Variants in GPBP1L1 observed in about 807,000 individuals in gnomAD.
GPBP1L1 encodes vasculin-like protein 1.
A neutral mutation model predicts 52.5 loss-of-function variants in GPBP1L1; 23 were observed. That is an observed-to-expected ratio of 0.44 (90% confidence interval 0.32 to 0.62). The LOEUF (loss-of-function observed/expected upper bound fraction) is 0.62, where lower values mean the gene tolerates loss of function less well. Ranked by LOEUF, GPBP1L1 falls within the 20% of genes least tolerant of loss-of-function variation. The probability of loss-of-function intolerance (pLI) is 0.06; values close to 1 mark genes in which losing one functional copy is unlikely to be tolerated. For synonymous variants in GPBP1L1, 243 were observed against 203.1 expected (o/e 1.20, Z -1.67); for missense variants, 596 against 579.3 (o/e 1.03, Z -0.30).
At chr1:45,679,070 G>C (rs1645181342) in intron 2 of GPBP1L1, among the ~76,000 whole-genome samples, 1 of 151,232 alleles carries the variant, frequency 6.6e-6, no homozygotes, top group African/African-American at 2.4e-5. Flanking sequence ...ATAATAAAAA[G>C]AAAGAATGAC....
chr1:45,669,626 C>G (rs527275891), intron 2 of GPBP1L1, among the ~76,000 whole-genome samples: 682 of 31,984 alleles, frequency 0.021, 4 homozygotes, highest in African/African-American at 0.1. Context: ...GACCCCCCCT[C>G]CAACCCCCTG....
In GPBP1L1 at chr1:45,627,980, C is replaced by T. The variant is rs2148409892; in HGVS notation, c.*276G>A. ...CCTGCACTGCCAGCTCCTACCTGTG[C>T]ATCGCCCCATATATACTGGGTGTGT... On this transcript the variant is annotated 3_prime_UTR_variant, in exon 13 of 13. Coordinates refer to ENST00000355105, the MANE Select transcript of GPBP1L1 (RefSeq NM_021639.5). 3.2e-6 allele frequency: 1 copy of T among 307,968 alleles called. No individual in the cohort carries two copies. Among genetic ancestry groups the T allele is most frequent in the East Asian group, 6.6e-5 (1 of 15,088 alleles). 19.1% of individuals were successfully genotyped at this position (307,968 alleles called of 1,614,324 possible). A position where few individuals can be genotyped will look rare whatever the true frequency, so the allele number is the denominator to read the frequency against.
intron 2 of GPBP1L1, among the ~76,000 whole-genome samples, chr1:45,672,954 A>G (rs1212711861): frequency 6.6e-6 from 1 of 152,248 alleles, no homozygotes; most frequent in Non-Finnish European, 1.5e-5. Flanking sequence ...GACTAAAAGT[A>G]TAGACAACTC....
intron 8 of GPBP1L1, among the ~76,000 whole-genome samples, chr1:45,639,970 A>C (rs1240569177): frequency 1.3e-5 from 2 of 152,032 alleles, no homozygotes; most frequent in Non-Finnish European, 2.9e-5. Context: ...TGGGAGGCTG[A>C]GGTCACACTG....
intron 5 of GPBP1L1, 131 bp downstream of exon 5, chr1:45,655,059 C>A: frequency 1.7e-6 from 2 of 1,189,444 alleles, no homozygotes; most frequent in Non-Finnish European, 2.4e-6. Context: ...TGCGTAATGA[C>A]TACTAGAGAA....
rs544401014 is a variant in GPBP1L1 at position 45,646,250 on chromosome 1, T to C, written c.478-3751A>G. 279 of 227,360 alleles carry C rather than the reference T, an allele frequency of 1.2e-3. 4 individuals carry two copies. Among genetic ancestry groups the C allele is most frequent in the South Asian group, 4.7e-3 (91 of 19,328 alleles). 14.1% of individuals were successfully genotyped at this position (227,360 alleles called of 1,614,324 possible). ...GAGCAATATTCCAAGTACTTACACA[T>C]TGATGTTTGTCTGTGATCTTTATAA... On this transcript the variant is annotated intron_variant, in intron 6 of 12. Coordinates refer to ENST00000355105, the MANE Select transcript of GPBP1L1 (RefSeq NM_021639.5).
intron 2 of GPBP1L1, among the ~76,000 whole-genome samples, chr1:45,671,834 T>A (rs924884277): frequency 6.0e-5 from 9 of 150,698 alleles, no homozygotes; most frequent in Non-Finnish European, 1.0e-4. Flanking sequence ...CTAATAATAA[T>A]AAATAAATAA....
rs761926736 is a variant in GPBP1L1, at chr1:45,683,151, T to G, written c.-1098+2425A>C. ...CTTTCATGTTTAAAGGCAGTGACCA[T>G]AACAGTCAAGTTAAACACAACAACT... On this transcript the variant is annotated intron_variant, in intron 2 of 12. Transcript: ENST00000355105. Among the ~76,000 whole-genome samples, 30 of 145,712 alleles carry G rather than the reference T, an allele frequency of 2.1e-4. No homozygotes were observed. In the South Asian group the frequency reaches 2.9e-3, roughly 14 times the overall value.
intron 6 of GPBP1L1, among the ~76,000 whole-genome samples, chr1:45,650,119 G>A (rs906490020): frequency 1.3e-5 from 2 of 152,112 alleles, no homozygotes; most frequent in African/African-American, 4.8e-5. Context: ...GATAATTGGG[G>A]AAGATGAAAA....
intron 2 of GPBP1L1, among the ~76,000 whole-genome samples, chr1:45,678,728 G>C (rs1298938901): frequency 6.6e-6 from 1 of 152,160 alleles, no homozygotes; most frequent in Non-Finnish European, 1.5e-5. Context: ...GTAAACATTT[G>C]CAACAAGGTC....
intron 2 of GPBP1L1, among the ~76,000 whole-genome samples, chr1:45,674,298 A>G (rs1645111640): frequency 1.3e-5 from 2 of 152,370 alleles, no homozygotes; most frequent in Admixed American, 1.3e-4. Context: ...GAAGATTAAA[A>G]ATTTTAATAT....
intron 7 of GPBP1L1, 48 bp downstream of exon 7, chr1:45,642,379 A>G: frequency 3.9e-6 from 5 of 1,291,478 alleles, no homozygotes; most frequent in Non-Finnish European, 4.5e-6. Flanking sequence ...CCTCCCTGCT[A>G]AGAAAAAATT....
chr1:45,651,087 C>A, intron 6 of GPBP1L1: 2 of 503,984 alleles, frequency 4.0e-6, no homozygotes, highest in South Asian at 2.9e-5. Context: ...CAATGCGAGT[C>A]ACAGACTTGG....
Position 45,659,111 on chromosome 1 carries a change from T to C in GPBP1L1, c.-24A>G. On this transcript the variant is annotated 5_prime_UTR_variant, in exon 4 of 13. Coordinates refer to ENST00000355105, the MANE Select transcript of GPBP1L1 (RefSeq NM_021639.5). ...ATTTAGGTCCAGTGTCTCCTTTCAG[T>C]AAGGTGAGGCATCCAACCTCATGGC... 3.1e-6 allele frequency: 5 copies of C among 1,613,644 alleles called. No homozygotes were observed. The highest frequency in any genetic ancestry group is 4.2e-6 in the Non-Finnish European group (5 of 1,179,608).
At chr1:45,685,650 A>T (rs1225940460) in intron 1 of GPBP1L1, 30 bp from the exon 2 acceptor site, 1 of 152,262 alleles carries the variant, frequency 6.6e-6, no homozygotes, top group Non-Finnish European at 1.5e-5. Context: ...CAAAAGATTC[A>T]GTTAATGTCC....
At chr1:45,652,313 T>C (rs1354143913) in intron 6 of GPBP1L1, among the ~76,000 whole-genome samples, 17 of 152,242 alleles carry the variant, frequency 1.1e-4, no homozygotes, top group Admixed American at 1.1e-3. Context: ...GTATGAATTA[T>C]TCATATGAAG....
intron 6 of GPBP1L1, among the ~76,000 whole-genome samples, chr1:45,653,119 GA>G (rs1300857466): frequency 2.6e-5 from 4 of 152,184 alleles, no homozygotes; most frequent in Non-Finnish European, 5.9e-5. Context: ...TTACAGCAAG[GA>G]CCCCAGGTCA....
chr1:45,641,461 A>C (rs1045983393), intron 7 of GPBP1L1, among the ~76,000 whole-genome samples: 3 of 146,760 alleles, frequency 2.0e-5, no homozygotes, highest in Non-Finnish European at 3.0e-5. Flanking sequence ...CATACACATA[A>C]ACACACACAC....
chr1:45,637,451 ATTACCACCTCTGCCAACTG>A (rs1644607623), intron 8 of GPBP1L1, among the ~76,000 whole-genome samples: 1 of 148,494 alleles, frequency 6.7e-6, no homozygotes, highest in East Asian at 2.0e-4. Flanking sequence ...ACTATCTGCC[ATTACCACCTCTGCCAACTG>A]TTACCATCTC....
Sources: gnomAD v4.1 joint callset for allele counts (sites outside exome capture counted in the v4.1 genomes callset) on GRCh38, gnomAD v4.1.1 for gene constraint, MANE v1.5 for transcripts, NCBI Gene and HGNC (gene_info 2026-07-23, HGNC 2026-07-21) for gene names.